Variants in KCND2 observed in about 807,000 individuals in gnomAD.
KCND2 encodes the protein potassium voltage-gated channel subfamily D member 2.
KCND2 carries 16 observed loss-of-function variants against 54.4 expected under a neutral mutation model. That is an observed-to-expected ratio of 0.29 (90% CI 0.20 to 0.45). The LOEUF (loss-of-function observed/expected upper bound fraction) is 0.45. KCND2 is among the 20% of genes least tolerant of loss of function. The pLI is 1.00. For missense variants in KCND2, 486 were observed against 824.2 expected (o/e 0.59, Z 5.02); for synonymous variants, 317 against 310.7 (o/e 1.02, Z -0.21).
intron 1 of KCND2, among the ~76,000 whole-genome samples, chr7:120,680,620 T>C (rs897633697): frequency 1.3e-5 from 2 of 152,124 alleles, no homozygotes; most frequent in Non-Finnish European, 2.9e-5. Context: ...GCCTACCATC[T>C]CTTTAACCAC....
intron 1 of KCND2, among the ~76,000 whole-genome samples, chr7:120,587,873 A>G (rs1792619892): frequency 1.3e-5 from 2 of 152,210 alleles, no homozygotes; most frequent in Admixed American, 1.3e-4. Context: ...CATAAATTCA[A>G]CAGGCACCTC....
chr7:120,475,329 T>C (rs62473168), intron 1 of KCND2, among the ~76,000 whole-genome samples: 25,351 of 152,204 alleles, frequency 0.17, 2,712 homozygotes, highest in East Asian at 0.49. Flanking sequence ...GTTGAGTGAC[T>C]ACCATGCACA....
rs1027965637 is a variant in KCND2, at chr7:120,544,935, A to T, written c.1116-187968A>T. On this transcript the variant is annotated intron_variant, in intron 1 of 5. Transcript: ENST00000331113. Reference sequence around the variant, plus strand: ...TACCTTGGAAATAAGTGCAAGTCTGATTATTAAAAAATGAAGTTAACTTCT... The same window carrying T: ...TACCTTGGAAATAAGTGCAAGTCTGTTTATTAAAAAATGAAGTTAACTTCT... Among the ~76,000 whole-genome samples the T allele has an allele frequency of 5.3e-5, 8 of 151,988 alleles. No homozygotes were observed. In the South Asian group the frequency reaches 1.0e-3, roughly 20 times the overall value.
At chr7:120,608,240 A>G (rs781527703) in intron 1 of KCND2, among the ~76,000 whole-genome samples, 9 of 152,104 alleles carry the variant, frequency 5.9e-5, no homozygotes, top group Non-Finnish European at 1.3e-4. Flanking sequence ...TGAAAAAATG[A>G]AAGTACTAGA....
chr7:120,330,675 GA>G (rs1320761771), intron 1 of KCND2, among the ~76,000 whole-genome samples: 1 of 134,048 alleles, frequency 7.5e-6, no homozygotes, highest in African/African-American at 2.8e-5. Flanking sequence ...TCAGAAATAA[GA>G]AAAAGCACCA....
intron 1 of KCND2, among the ~76,000 whole-genome samples, chr7:120,729,612 A>G (rs1167812703): frequency 6.6e-6 from 1 of 152,146 alleles, no homozygotes; most frequent in Non-Finnish European, 1.5e-5. Context: ...AGACCATCCT[A>G]ACTGGCTATA....
rs546062006 is a variant in KCND2, at chr7:120,334,612, G to C, written c.1115+58865G>C. Among the ~76,000 whole-genome samples the C allele has an allele frequency of 3.5e-4, 53 of 152,258 alleles. No homozygotes were observed. The South Asian group carries it at 9.8e-3, about 28-fold the overall frequency. On this transcript the variant is annotated intron_variant, in intron 1 of 5. Coordinates refer to ENST00000331113, the MANE Select transcript of KCND2 (RefSeq NM_012281.3). ...CTGTAAAACCACACTTTCCGTATAT[G>C]GGTGTTTGTTCTAACAGTCTAAGCA...
At position 120,414,832 on chromosome 7, in the gene KCND2, A is replaced by G. The variant is rs117503934; in HGVS notation, c.1115+139085A>G. Among the ~76,000 whole-genome samples the G allele has an allele frequency of 1.7e-3, 259 of 152,298 alleles. 4 individuals carry two copies. In the East Asian group the frequency reaches 0.043, roughly 25 times the overall value. Reference sequence around the variant, plus strand: ...CTTCATCATGTCATCTGGTGCTTTCATACTACCATCATGGGCCTTTCCTGA... The same window carrying G: ...CTTCATCATGTCATCTGGTGCTTTCGTACTACCATCATGGGCCTTTCCTGA... On this transcript the variant is annotated intron_variant, in intron 1 of 5. Transcript: ENST00000331113.
chr7:120,608,503 G>A (rs1217333286), intron 1 of KCND2, among the ~76,000 whole-genome samples: 3 of 151,998 alleles, frequency 2.0e-5, no homozygotes, highest in African/African-American at 7.2e-5. Flanking sequence ...CTAAATTATA[G>A]CATCTCTGGT....
rs183120724 is a variant in KCND2 at position 120,687,859 on chromosome 7, G to T, written c.1116-45044G>T. 6.9e-4 allele frequency among the ~76,000 whole-genome samples: 105 copies of T among 152,250 alleles called. 2 individuals are homozygous for T. Among genetic ancestry groups the T allele is most frequent in the Non-Finnish European group, 4.6e-4 (31 of 68,022 alleles). The stretch of plus-strand genomic sequence containing the variant: ...TGAAATAGGGATTGAGATTTACATT[G>T]TAAAACAGACCCTTCTTTCAAAAGT... On this transcript the variant is annotated intron_variant, in intron 1 of 5. Coordinates refer to ENST00000331113, the MANE Select transcript of KCND2 (RefSeq NM_012281.3).
chr7:120,444,858 C>T (rs1287572216), intron 1 of KCND2, among the ~76,000 whole-genome samples: 1 of 152,070 alleles, frequency 6.6e-6, no homozygotes, highest in African/African-American at 2.4e-5. Flanking sequence ...GCACAATTCC[C>T]ATTAACATCA....
chr7:120,646,923 CAA>C lies in KCND2; in HGVS notation c.1116-85978_1116-85977del, dbSNP rs556458713. 2.0e-5 allele frequency among the ~76,000 whole-genome samples: 3 copies of C among 152,290 alleles called. No individual in the cohort carries two copies. The South Asian group carries it at 6.2e-4, about 32-fold the overall frequency. Reference sequence around the variant, plus strand: ...TGTTTGAACTTATGGAAAGACAACTCAAAGAGTCACTTGTTCTTAAACTTTCG... The same window carrying C: ...TGTTTGAACTTATGGAAAGACAACTCAGAGTCACTTGTTCTTAAACTTTCG... On this transcript the variant is annotated intron_variant, in intron 1 of 5. Transcript: ENST00000331113.
intron 1 of KCND2, among the ~76,000 whole-genome samples, chr7:120,557,488 C>T (rs571055783): frequency 1.3e-5 from 2 of 152,190 alleles, no homozygotes; most frequent in Admixed American, 6.5e-5. Flanking sequence ...TTCAGTTTCA[C>T]TTCCCTGCCT....
intron 1 of KCND2, among the ~76,000 whole-genome samples, chr7:120,379,629 C>T (rs1299705033): frequency 6.6e-6 from 1 of 151,952 alleles, no homozygotes; most frequent in Admixed American, 6.6e-5. Context: ...TCTTATTCCT[C>T]CTTGTTGAGT....
chr7:120,284,439 T>G (rs1799310886), intron 1 of KCND2, among the ~76,000 whole-genome samples: 1 of 152,164 alleles, frequency 6.6e-6, no homozygotes, highest in African/African-American at 2.4e-5. Flanking sequence ...GATAGCACAT[T>G]CAAACTTATG....
At chr7:120,601,666 T>C (rs183814586) in intron 1 of KCND2, among the ~76,000 whole-genome samples, 178 of 152,304 alleles carry the variant, frequency 1.2e-3, no homozygotes, top group Admixed American at 2.6e-3. Context: ...TACAACATGT[T>C]AAACTAGCAT....
intron 1 of KCND2, among the ~76,000 whole-genome samples, chr7:120,399,998 T>C (rs1584762973): frequency 6.6e-6 from 1 of 152,224 alleles, no homozygotes; most frequent in East Asian, 1.9e-4. Context: ...AGTGCTGGGA[T>C]TACAGGCATG....
At chr7:120,613,827 C>A (rs527975036) in intron 1 of KCND2, among the ~76,000 whole-genome samples, 1 of 152,172 alleles carries the variant, frequency 6.6e-6, no homozygotes, top group East Asian at 1.9e-4. Flanking sequence ...ATATACTAAC[C>A]AAAGTTGAAT....
At chr7:120,624,210 G>A (rs1452922653) in intron 1 of KCND2, among the ~76,000 whole-genome samples, 1 of 152,152 alleles carries the variant, frequency 6.6e-6, no homozygotes, top group East Asian at 1.9e-4. Context: ...ACATCCCTCC[G>A]TTTGTTATGT....
Sources: allele counts gnomAD v4.1 joint callset (sites outside exome capture counted in the v4.1 genomes callset), GRCh38; gene constraint gnomAD v4.1.1; transcripts MANE v1.5; gene names NCBI Gene and HGNC (gene_info 2026-07-23, HGNC 2026-07-21).